The following NXPH1 variants were observed in gnomAD, a reference collection of about 807,000 sequenced individuals.
The protein encoded by NXPH1 is neurexophilin-1.
In NXPH1, 5 loss-of-function variants were observed where a neutral mutation model predicts 23.7. The ratio of observed to expected loss-of-function variants is 0.21; its 90% CI spans 0.11 to 0.44. The LOEUF is 0.44. Ranked by LOEUF, NXPH1 falls within the 20% of genes least tolerant of loss-of-function variation. The pLI is 0.99. For synonymous variants in NXPH1, 144 were observed against 122.2 expected, an observed-to-expected ratio of 1.18 and a Z score of -1.18; for missense variants, 324 against 321.6, an observed-to-expected ratio of 1.01 and a Z score of -0.06.
chr7:8,560,446 G>A (rs558066451), intron 2 of NXPH1, among the ~76,000 whole-genome samples: 3 of 151,772 alleles, frequency 2.0e-5, no homozygotes, highest in East Asian at 3.9e-4. Flanking sequence ...ATACTCTGTG[G>A]TCATAGGGAT....
chr7:8,507,443 C>T (rs1817547088), intron 2 of NXPH1, among the ~76,000 whole-genome samples: 1 of 149,392 alleles, frequency 6.7e-6, no homozygotes, highest in Non-Finnish European at 1.5e-5. Context: ...CTGTAATGAG[C>T]TATACTATTA....
At chr7:8,710,852 C>G in intron 2 of NXPH1, among the ~76,000 whole-genome samples, 1 of 121,684 alleles carries the variant, frequency 8.2e-6, no homozygotes, top group African/African-American at 4.2e-5. Context: ...TTAGTAGAGA[C>G]GGGGTTTCAC....
At chr7:8,650,236 CTTTA>C (rs1820469776) in intron 2 of NXPH1, among the ~76,000 whole-genome samples, 2 of 152,032 alleles carry the variant, frequency 1.3e-5, no homozygotes, top group Admixed American at 1.3e-4. Context: ...CCAAGTCTGC[CTTTA>C]TTTTTTTCTA....
At chr7:8,675,925 G>T (rs1820944706) in intron 2 of NXPH1, among the ~76,000 whole-genome samples, 1 of 152,132 alleles carries the variant, frequency 6.6e-6, no homozygotes, top group Non-Finnish European at 1.5e-5. Flanking sequence ...TTTGCCACTT[G>T]TTGGTCATTC....
chr7:8,492,753 G>A (rs1002464061), intron 2 of NXPH1, among the ~76,000 whole-genome samples: 3 of 152,014 alleles, frequency 2.0e-5, no homozygotes, highest in Admixed American at 6.6e-5. Flanking sequence ...GGTCCCATTG[G>A]TGGAGGGAGC....
chr7:8,546,303 C>T (rs923404202), intron 2 of NXPH1, among the ~76,000 whole-genome samples: 2 of 151,336 alleles, frequency 1.3e-5, no homozygotes, highest in Non-Finnish European at 3.0e-5. Context: ...GAGAAAGTCA[C>T]AAATATGGAG....
chr7:8,635,392 C>T (rs1012624155), intron 2 of NXPH1, among the ~76,000 whole-genome samples: 1 of 152,164 alleles, frequency 6.6e-6, no homozygotes, highest in Non-Finnish European at 1.5e-5. Flanking sequence ...AGTTTCTTTT[C>T]CTACCTTTCT....
chr7:8,471,440 G>A (rs1201142093), intron 2 of NXPH1, among the ~76,000 whole-genome samples: 1 of 152,150 alleles, frequency 6.6e-6, no homozygotes, highest in East Asian at 1.9e-4. Context: ...GGTTAAGGAT[G>A]AGTATTAAAA....
At chr7:8,597,241 T>C (rs1447856811) in intron 2 of NXPH1, among the ~76,000 whole-genome samples, 2 of 152,098 alleles carry the variant, frequency 1.3e-5, no homozygotes, top group African/African-American at 2.4e-5. Flanking sequence ...GTTGGGTCTT[T>C]TCAGCCAGAG....
intron 2 of NXPH1, among the ~76,000 whole-genome samples, chr7:8,643,527 T>G (rs1403506586): frequency 2.0e-5 from 3 of 152,092 alleles, no homozygotes; most frequent in Non-Finnish European, 4.4e-5. Flanking sequence ...AATATGACAA[T>G]TTGACTGATT....
At chr7:8,744,436 C>G (rs1452755476) in intron 2 of NXPH1, among the ~76,000 whole-genome samples, 1 of 152,112 alleles carries the variant, frequency 6.6e-6, no homozygotes, top group Admixed American at 6.5e-5. Context: ...TGGTAATCAT[C>G]TTTATGCTAT....
At chr7:8,734,520 T>A (rs1307597617) in intron 2 of NXPH1, among the ~76,000 whole-genome samples, 1 of 152,214 alleles carries the variant, frequency 6.6e-6, no homozygotes, top group Non-Finnish European at 1.5e-5. Flanking sequence ...GGAATGTTTT[T>A]CCCATTTATT....
intron 2 of NXPH1, among the ~76,000 whole-genome samples, chr7:8,552,340 C>T (rs1818292342): frequency 6.6e-6 from 1 of 151,298 alleles, no homozygotes; most frequent in Non-Finnish European, 1.5e-5. Context: ...TTCTATGTAG[C>T]ACTTTGTTTG....
chr7:8,588,728 C>T (rs1451021193), intron 2 of NXPH1, among the ~76,000 whole-genome samples: 2 of 152,090 alleles, frequency 1.3e-5, no homozygotes, highest in African/African-American at 4.8e-5. Context: ...TCCTGTTTAT[C>T]TTGTGTTCTA....
chr7:8,624,068 C>T (rs185195519), intron 2 of NXPH1, among the ~76,000 whole-genome samples: 2 of 152,148 alleles, frequency 1.3e-5, no homozygotes, highest in East Asian at 3.9e-4. Flanking sequence ...ATAAATAGGT[C>T]AGGACTTGGA....
intron 2 of NXPH1, among the ~76,000 whole-genome samples, chr7:8,653,980 G>A (rs1820531877): frequency 6.6e-6 from 1 of 152,198 alleles, no homozygotes; most frequent in Non-Finnish European, 1.5e-5. Flanking sequence ...TGGATTTCAT[G>A]TGTGGAAGTT....
At chr7:8,545,005 G>A (rs543961681) in intron 2 of NXPH1, among the ~76,000 whole-genome samples, 1 of 151,624 alleles carries the variant, frequency 6.6e-6, no homozygotes, top group African/African-American at 2.4e-5. Flanking sequence ...ACTCATCTTT[G>A]CTGCAGTACT....
intron 2 of NXPH1, among the ~76,000 whole-genome samples, chr7:8,456,571 A>G (rs761884578): frequency 6.6e-6 from 1 of 152,154 alleles, no homozygotes; most frequent in Non-Finnish European, 1.5e-5. Flanking sequence ...CAGACATGAC[A>G]TATCAGGGGT....
At chr7:8,493,121 G>T (rs1440468486) in intron 2 of NXPH1, among the ~76,000 whole-genome samples, 1 of 151,898 alleles carries the variant, frequency 6.6e-6, no homozygotes, top group Non-Finnish European at 1.5e-5. Flanking sequence ...GGGTAAATTT[G>T]TGATTAAGGG....
Sources: gnomAD v4.1 joint callset for allele counts (sites outside exome capture counted in the v4.1 genomes callset) on GRCh38, gnomAD v4.1.1 for gene constraint, MANE v1.5 for transcripts, NCBI Gene and HGNC (gene_info 2026-07-23, HGNC 2026-07-21) for gene names.